The following UGGT1 variants were observed in gnomAD, a reference collection of about 807,000 sequenced individuals.
UGGT1 encodes the protein UDP-glucose:glycoprotein glucosyltransferase 1.
In UGGT1, 107 loss-of-function variants were observed where a neutral mutation model predicts 203.9. The ratio of observed to expected loss-of-function variants is 0.52; its 90% CI spans 0.45 to 0.62. The LOEUF (loss-of-function observed/expected upper bound fraction) is 0.62, where lower values mean the gene tolerates loss of function less well. UGGT1 is among the 20% of genes least tolerant of loss of function. The pLI, the probability that UGGT1 is intolerant of heterozygous loss-of-function variation, is 0.00. For synonymous variants in UGGT1, 628 were observed against 653.5 expected (o/e 0.96, Z 0.59); for missense variants, 1,673 against 1,867.2 (o/e 0.90, Z 1.92).
chr2:128,133,179 G>T lies in UGGT1; in HGVS notation c.1416G>T (p.Ser472=). ...NNLEVDSRYN[S]WPSSLQELLR... Reference sequence around the variant, plus strand: ...TGGAGGTTGATAGCAGATATAATTCGTGGCCTTCTAGTTTACAAGAGTTGC... The same window carrying T: ...TGGAGGTTGATAGCAGATATAATTCTTGGCCTTCTAGTTTACAAGAGTTGC... The change falls in exon 14 of 41, where the codon TCG becomes TCT. Residue 472 remains serine (S), a synonymous_variant. Coordinates refer to ENST00000259253, the MANE Select transcript of UGGT1 (RefSeq NM_020120.4). The T allele has an allele frequency of 3.7e-6, 6 of 1,613,916 alleles. No individual in the cohort carries two copies. The highest frequency in any genetic ancestry group is 5.1e-6 in the Non-Finnish European group (6 of 1,179,884).
At position 128,192,025 on chromosome 2, in the gene UGGT1, G is replaced by C. The variant is rs1021041907; in HGVS notation, c.*2283G>C. ...AAATACTCAAGTCACTGGGATATAT[G>C]CTTTCCAAATGCTGGCCCCCATAGC... On this transcript the variant is annotated 3_prime_UTR_variant, in exon 41 of 41. Coordinates refer to ENST00000259253, the MANE Select transcript of UGGT1 (RefSeq NM_020120.4). 1 of 152,272 alleles carries C rather than the reference G, an allele frequency of 6.6e-6. No homozygotes were observed. The highest frequency in any genetic ancestry group is 2.1e-4 in the South Asian group (1 of 4,824). 9.4% of individuals were successfully genotyped at this position (152,272 alleles called of 1,614,324 possible).
At chr2:128,106,681 CTGGGATTACAGG>C (rs1165793345) in intron 3 of UGGT1, among the ~76,000 whole-genome samples, 8 of 152,242 alleles carry the variant, frequency 5.3e-5, no homozygotes, top group Admixed American at 5.2e-4. Context: ...CCTGCCTCAG[CTGGGATTACAGG>C]TGCATGCCAC....
At chr2:128,127,499 G>C in intron 12 of UGGT1, 47 bp downstream of exon 12, 1 of 1,358,694 alleles carries the variant, frequency 7.4e-7, no homozygotes, top group African/African-American at 1.4e-5. Flanking sequence ...GTAATGCGTA[G>C]CACCTTGTAA....
intron 19 of UGGT1, among the ~76,000 whole-genome samples, chr2:128,154,845 C>G (rs1690152208): frequency 6.6e-6 from 1 of 152,018 alleles, no homozygotes; most frequent in Admixed American, 6.5e-5. Context: ...TTGTTAGAGA[C>G]AGAGAGTTTA....
At position 128,171,096 on chromosome 2, in the gene UGGT1, G is replaced by C. The variant is rs930775502; in HGVS notation, c.3025-109G>C. 2.8e-5 allele frequency: 28 copies of C among 1,002,404 alleles called. No individual in the cohort carries two copies. In the Admixed American group the frequency reaches 2.9e-4, roughly 10 times the overall value. The allele number at this position is 1,002,404 out of a possible 1,614,324, so 62.1% of individuals were successfully genotyped here. A position where few individuals can be genotyped will look rare whatever the true frequency, so the allele number is the denominator to read the frequency against. The stretch of plus-strand genomic sequence containing the variant: ...CAGAAGTTTCGCCAGTGCAGACTCT[G>C]TGGCTGTTATCTTTATATCTTTTCT... On this transcript the variant is annotated intron_variant, in intron 27 of 40. Transcript: ENST00000259253.
intron 1 of UGGT1, among the ~76,000 whole-genome samples, chr2:128,095,453 T>C (rs1371599749): frequency 6.8e-6 from 1 of 146,364 alleles, no homozygotes; most frequent in African/African-American, 2.5e-5. Context: ...TCCTTCTTTC[T>C]TCTTTCTTTC....
At chr2:128,168,712 C>T (rs1323088325) in intron 26 of UGGT1, among the ~76,000 whole-genome samples, 1 of 152,134 alleles carries the variant, frequency 6.6e-6, no homozygotes, top group Non-Finnish European at 1.5e-5. Context: ...TGTGTGACTT[C>T]ACAGGGAGTC....
At chr2:128,100,777 C>G (rs568605905) in intron 2 of UGGT1, among the ~76,000 whole-genome samples, 1 of 152,236 alleles carries the variant, frequency 6.6e-6, no homozygotes, top group African/African-American at 2.4e-5. Context: ...TTTATTTACA[C>G]TAATTTCTTG....
chr2:128,189,534 C>A (rs1421703353), intron 40 of UGGT1, among the ~76,000 whole-genome samples, 183 bp from the exon 41 acceptor site: 1 of 152,074 alleles, frequency 6.6e-6, no homozygotes, highest in East Asian at 1.9e-4. Flanking sequence ...TTTAAAAAAT[C>A]TTTAATTTAG....
intron 9 of UGGT1, among the ~76,000 whole-genome samples, chr2:128,120,869 A>G (rs1688348818): frequency 6.6e-6 from 1 of 152,200 alleles, no homozygotes; most frequent in Admixed American, 6.5e-5. Flanking sequence ...ATTTACTAAA[A>G]GTCTTCATGC....
At chr2:128,100,025 C>CCG (rs1245965228) in intron 2 of UGGT1, among the ~76,000 whole-genome samples, 3 of 60,354 alleles carry the variant, frequency 5.0e-5, no homozygotes, top group Admixed American at 2.2e-4. Flanking sequence ...ACAACCCCCC[C>CCG]CCCCACCCTA....
intron 37 of UGGT1, among the ~76,000 whole-genome samples, chr2:128,183,157 C>T (rs1351123218): frequency 6.6e-6 from 1 of 152,186 alleles, no homozygotes; most frequent in Non-Finnish European, 1.5e-5. Context: ...TTCTAATGAG[C>T]ACCCCATTCT....
At chr2:128,116,675 C>T (rs1348249575) in intron 8 of UGGT1, among the ~76,000 whole-genome samples, 1 of 152,072 alleles carries the variant, frequency 6.6e-6, no homozygotes, top group African/African-American at 2.4e-5. Flanking sequence ...CAGGCATGCA[C>T]CACCACACCC....
At chr2:128,172,550 A>C in intron 28 of UGGT1, 23 bp from the exon 29 acceptor site, 1 of 1,612,646 alleles carries the variant, frequency 6.2e-7, no homozygotes, top group Non-Finnish European at 8.5e-7. Context: ...AAAATTATCT[A>C]ACACTTTCCT....
chr2:128,098,077 G>A (rs1687195880), intron 2 of UGGT1, among the ~76,000 whole-genome samples: 1 of 152,100 alleles, frequency 6.6e-6, no homozygotes, highest in African/African-American at 2.4e-5. Context: ...GGCCAGGCTG[G>A]TCTCAAACTC....
chr2:128,181,162 G>A, intron 36 of UGGT1, 90 bp downstream of exon 36: 5 of 1,224,886 alleles, frequency 4.1e-6, no homozygotes, highest in East Asian at 2.3e-5. Flanking sequence ...TTATGGAAAA[G>A]GACATGCTTA....
chr2:128,092,881 C>T (rs1221912956), intron 1 of UGGT1, among the ~76,000 whole-genome samples: 4 of 151,972 alleles, frequency 2.6e-5, no homozygotes, highest in South Asian at 2.1e-4. Flanking sequence ...TTCATCATGC[C>T]GCAAGTATAA....
chr2:128,159,202 C>T lies in UGGT1; in HGVS notation c.2356-312C>T, dbSNP rs551006889. ...GCAACCTCCACCTCCCGAGTTCAAG[C>T]GATTCTCCTGCCACAGCCTTGCGAG... On this transcript the variant is annotated intron_variant, in intron 22 of 40. Coordinates refer to ENST00000259253, the MANE Select transcript of UGGT1 (RefSeq NM_020120.4). Among the ~76,000 whole-genome samples, 5 of 150,616 alleles carry T rather than the reference C, an allele frequency of 3.3e-5. No individual in the cohort carries two copies. In the South Asian group the frequency reaches 8.4e-4, roughly 25 times the overall value.
intron 18 of UGGT1, among the ~76,000 whole-genome samples, chr2:128,149,972 A>G (rs929774981): frequency 5.9e-5 from 9 of 152,202 alleles, no homozygotes; most frequent in East Asian, 1.9e-4. Flanking sequence ...CAAAAAATAT[A>G]TAAGTAAAAT....
Sources: gnomAD v4.1 joint callset for allele counts (sites outside exome capture counted in the v4.1 genomes callset) on GRCh38, gnomAD v4.1.1 for gene constraint, MANE v1.5 for transcripts, NCBI Gene and HGNC (gene_info 2026-07-23, HGNC 2026-07-21) for gene names.